ADAM12: variants seen among roughly 807,000 people sequenced by gnomAD.
ADAM12 encodes disintegrin and metalloproteinase domain-containing protein 12.
A neutral mutation model predicts 106.4 loss-of-function variants in ADAM12; 70 were observed. That is an observed-to-expected ratio of 0.66 (90% CI 0.54 to 0.80). The LOEUF (loss-of-function observed/expected upper bound fraction) is 0.80. Ranked by LOEUF, ADAM12 falls within the 30% of genes least tolerant of loss-of-function variation. The probability of loss-of-function intolerance (pLI) is 0.00; values close to 1 mark genes in which losing one functional copy is unlikely to be tolerated. For missense variants in ADAM12, 1,010 were observed against 1,171.9 expected, an observed-to-expected ratio of 0.86 and a Z score of 2.02; for synonymous variants, 420 against 433.5, an observed-to-expected ratio of 0.97 and a Z score of 0.39.
intron 11 of ADAM12, among the ~76,000 whole-genome samples, chr10:126,086,192 A>G (rs1342762629): frequency 3.3e-5 from 5 of 152,130 alleles, no homozygotes; most frequent in African/African-American, 1.2e-4. Context: ...CACCTCCCAG[A>G]GGTTGCACAG....
intron 2 of ADAM12, among the ~76,000 whole-genome samples, chr10:126,306,821 T>C (rs1960865999): frequency 6.6e-6 from 1 of 152,200 alleles, no homozygotes; most frequent in Admixed American, 6.5e-5. Flanking sequence ...AACAGTTTGA[T>C]TATCACGGGC....
intron 3 of ADAM12, among the ~76,000 whole-genome samples, chr10:126,247,434 T>C (rs1052264211): frequency 2.6e-5 from 4 of 152,182 alleles, no homozygotes; most frequent in Admixed American, 1.3e-4. Context: ...CAAATTTCAC[T>C]CATGTATCAC....
chr10:126,169,087 T>C (rs970350046), intron 3 of ADAM12, among the ~76,000 whole-genome samples: 1 of 152,040 alleles, frequency 6.6e-6, no homozygotes, highest in South Asian at 2.1e-4. Context: ...ACACATTCCT[T>C]AGTGTGGACC....
chr10:126,216,945 T>C (rs1241607336), intron 3 of ADAM12, among the ~76,000 whole-genome samples: 1 of 152,230 alleles, frequency 6.6e-6, no homozygotes, highest in Admixed American at 6.5e-5. Context: ...CCATGCACTG[T>C]GGTTTTGCCT....
intron 1 of ADAM12, among the ~76,000 whole-genome samples, chr10:126,336,672 G>C (rs779654890): frequency 3.2e-4 from 48 of 152,158 alleles, no homozygotes; most frequent in Non-Finnish European, 6.3e-4. Flanking sequence ...TGGCAGAAAA[G>C]TTAAAGGGAG....
chr10:126,204,526 A>T (rs1957760957), intron 3 of ADAM12, among the ~76,000 whole-genome samples: 1 of 152,262 alleles, frequency 6.6e-6, no homozygotes, highest in African/African-American at 2.4e-5. Context: ...CAGAAAGCAG[A>T]TTCCCGCTTC....
At chr10:126,316,294 A>G (rs1853868549) in intron 2 of ADAM12, among the ~76,000 whole-genome samples, 1 of 152,226 alleles carries the variant, frequency 6.6e-6, no homozygotes, top group South Asian at 2.1e-4. Context: ...CTCAATAAAT[A>G]TTTGTTGATT....
intron 14 of ADAM12, among the ~76,000 whole-genome samples, chr10:126,054,272 A>G (rs569389664): frequency 3.3e-5 from 5 of 152,344 alleles, no homozygotes; most frequent in African/African-American, 1.2e-4. Context: ...AATAACCAAA[A>G]TGGGATGAAG....
chr10:126,075,997 A>G (rs921551733), intron 11 of ADAM12, among the ~76,000 whole-genome samples: 1 of 152,212 alleles, frequency 6.6e-6, no homozygotes, highest in Non-Finnish European at 1.5e-5. Flanking sequence ...GATATATTGC[A>G]TGATGCTGGG....
chr10:126,046,667 G>GT (rs1276876139), intron 16 of ADAM12, among the ~76,000 whole-genome samples: 1 of 151,842 alleles, frequency 6.6e-6, no homozygotes, highest in African/African-American at 2.4e-5. Flanking sequence ...GCTGGGTGTG[G>GT]TGGCACGTGC....
chr10:126,077,290 GA>G (rs1450659630), intron 11 of ADAM12, among the ~76,000 whole-genome samples: 3 of 152,152 alleles, frequency 2.0e-5, no homozygotes, highest in Non-Finnish European at 4.4e-5. Context: ...CATGCTCATG[GA>G]TTGGAAGAAT....
At chr10:126,162,927 G>A (rs542128304) in intron 3 of ADAM12, among the ~76,000 whole-genome samples, 5 of 152,286 alleles carry the variant, frequency 3.3e-5, no homozygotes, top group Admixed American at 2.0e-4. Flanking sequence ...TGGATTGTGG[G>A]GGCGGATCCT....
chr10:126,054,683 C>A (rs1954589401), intron 14 of ADAM12, among the ~76,000 whole-genome samples: 1 of 152,206 alleles, frequency 6.6e-6, no homozygotes, highest in Non-Finnish European at 1.5e-5. Flanking sequence ...CCTTGTTGTA[C>A]AAGCTCTCGA....
intron 3 of ADAM12, among the ~76,000 whole-genome samples, chr10:126,180,652 A>G (rs1957296759): frequency 6.6e-6 from 1 of 152,102 alleles, no homozygotes; most frequent in African/African-American, 2.4e-5. Flanking sequence ...GAAGTGCCCT[A>G]TTTTCCTCAG....
At chr10:126,160,553 C>G (rs1438167297) in intron 3 of ADAM12, among the ~76,000 whole-genome samples, 1 of 152,176 alleles carries the variant, frequency 6.6e-6, no homozygotes, top group Admixed American at 6.5e-5. Context: ...TTCCAGGAAT[C>G]TGTGCTTCTG....
At chr10:126,209,083 C>G (rs1249036512) in intron 3 of ADAM12, among the ~76,000 whole-genome samples, 4 of 152,136 alleles carry the variant, frequency 2.6e-5, no homozygotes, top group Non-Finnish European at 5.9e-5. Context: ...AATCAGAATT[C>G]CAAAGGAAAG....
chr10:126,320,969 T>A (rs1033575581), intron 2 of ADAM12, among the ~76,000 whole-genome samples: 1 of 152,218 alleles, frequency 6.6e-6, no homozygotes, highest in Non-Finnish European at 1.5e-5. Flanking sequence ...TAAAATCCCA[T>A]ATGTCTGACT....
At chr10:126,174,854 G>A (rs529178282) in intron 3 of ADAM12, among the ~76,000 whole-genome samples, 196 of 150,970 alleles carry the variant, frequency 1.3e-3, no homozygotes, top group Middle Eastern at 3.4e-3. Flanking sequence ...CCGGGTTCAC[G>A]CCATTCTCCT....
chr10:126,034,409 A>T (rs180875027), intron 21 of ADAM12, among the ~76,000 whole-genome samples: 173 of 152,298 alleles, frequency 1.1e-3, no homozygotes, highest in African/African-American at 3.7e-3. Context: ...CCCTAGTGTA[A>T]TCATACAAAA....
Sources: allele counts gnomAD v4.1 joint callset (sites outside exome capture counted in the v4.1 genomes callset), GRCh38; gene constraint gnomAD v4.1.1; transcripts MANE v1.5; gene names NCBI Gene and HGNC (gene_info 2026-07-23, HGNC 2026-07-21).